CFAP299: variants seen among roughly 807,000 people sequenced by gnomAD.
CFAP299 encodes the protein cilia and flagella associated protein 299.
CFAP299 carries 21 observed loss-of-function variants against 27.0 expected under a neutral mutation model. The observed-to-expected ratio is 0.78, with a 90% confidence interval of 0.55 to 1.12. CFAP299 has a LOEUF of 1.12. CFAP299 is among the 50% of genes most tolerant of loss of function. The pLI, the probability that CFAP299 is intolerant of heterozygous loss-of-function variation, is 0.00. For synonymous variants in CFAP299, 104 were observed against 98.1 expected (o/e 1.06, Z -0.36); for missense variants, 310 against 276.6 (o/e 1.12, Z -0.86).
At chr4:80,371,598 A>C (rs1724155555) in intron 2 of CFAP299, among the ~76,000 whole-genome samples, 1 of 152,184 alleles carries the variant, frequency 6.6e-6, no homozygotes, top group South Asian at 2.1e-4. Context: ...GTGCTTAGAA[A>C]TTTCTTCTGC....
intron 4 of CFAP299, among the ~76,000 whole-genome samples, chr4:80,875,433 G>A (rs537245142): frequency 1.3e-5 from 2 of 152,094 alleles, no homozygotes; most frequent in East Asian, 1.9e-4. Context: ...AGGCCGAGGC[G>A]GGTGGATCAC....
intron 3 of CFAP299, among the ~76,000 whole-genome samples, chr4:80,666,123 T>A (rs1577992986): frequency 6.6e-6 from 1 of 152,346 alleles, no homozygotes; most frequent in East Asian, 1.9e-4. Context: ...AAAATTTACC[T>A]TAATAGGATT....
intron 3 of CFAP299, among the ~76,000 whole-genome samples, chr4:80,817,825 T>TC (rs1729499534): frequency 6.6e-6 from 1 of 152,016 alleles, no homozygotes; most frequent in Non-Finnish European, 1.5e-5. Context: ...CTTATAGTTT[T>TC]CTTTTTTTTT....
chr4:80,330,751 G>C (rs948014512), upstream of CFAP299, among the ~76,000 whole-genome samples: 1 of 152,148 alleles, frequency 6.6e-6, no homozygotes, highest in African/African-American at 2.4e-5. Context: ...TAAAATGTAG[G>C]TGCTAAAATT....
chr4:80,886,066 C>A (rs1309109201), intron 4 of CFAP299, among the ~76,000 whole-genome samples: 1 of 152,132 alleles, frequency 6.6e-6, no homozygotes, highest in African/African-American at 2.4e-5. Flanking sequence ...GGTGGCCTGG[C>A]AGAACACCCC....
At chr4:80,903,398 A>C (rs1037029233) in intron 4 of CFAP299, among the ~76,000 whole-genome samples, 3 of 152,122 alleles carry the variant, frequency 2.0e-5, no homozygotes, top group African/African-American at 7.2e-5. Context: ...GTTACATAAA[A>C]GAAAATTGAA....
At chr4:80,397,228 C>T (rs1441831088) in intron 2 of CFAP299, among the ~76,000 whole-genome samples, 4 of 151,954 alleles carry the variant, frequency 2.6e-5, no homozygotes, top group Non-Finnish European at 5.9e-5. Context: ...GTGGTAATAT[C>T]CCCTTTATCA....
chr4:80,618,861 G>A (rs551758840), intron 3 of CFAP299, among the ~76,000 whole-genome samples: 6 of 152,030 alleles, frequency 3.9e-5, no homozygotes, highest in South Asian at 4.2e-4. Flanking sequence ...ACTACTAATC[G>A]TGGGAGCTGA....
At chr4:80,767,534 A>G (rs1380697221) in intron 3 of CFAP299, among the ~76,000 whole-genome samples, 3 of 152,166 alleles carry the variant, frequency 2.0e-5, no homozygotes, top group Non-Finnish European at 2.9e-5. Context: ...GCGTGAACCC[A>G]GGAGGCGGAG....
intron 3 of CFAP299, among the ~76,000 whole-genome samples, chr4:80,750,451 A>T (rs937330907): frequency 6.6e-6 from 1 of 152,176 alleles, no homozygotes; most frequent in Admixed American, 6.5e-5. Flanking sequence ...TATGAACAAG[A>T]ATCTTATATA....
At chr4:80,340,895 C>A (rs1722415824) in intron 1 of CFAP299, among the ~76,000 whole-genome samples, 1 of 152,116 alleles carries the variant, frequency 6.6e-6, no homozygotes, top group Non-Finnish European at 1.5e-5. Flanking sequence ...ACTGCCCCAG[C>A]CTCCCAAGTA....
chr4:80,767,337 C>T (rs1011865730), intron 3 of CFAP299, among the ~76,000 whole-genome samples: 3 of 152,102 alleles, frequency 2.0e-5, no homozygotes, highest in South Asian at 2.1e-4. Flanking sequence ...AGGTGGGGCA[C>T]GGTGGCTCAC....
intron 3 of CFAP299, among the ~76,000 whole-genome samples, chr4:80,597,842 A>G (rs1737138015): frequency 1.3e-5 from 2 of 151,222 alleles, no homozygotes; most frequent in South Asian, 4.2e-4. Context: ...ATGTGCCACC[A>G]CTCCTGGCTA....
At chr4:80,941,225 C>T (rs1479157818) in intron 4 of CFAP299, among the ~76,000 whole-genome samples, 6 of 152,010 alleles carry the variant, frequency 3.9e-5, no homozygotes, top group Non-Finnish European at 4.4e-5. Context: ...ACATTTTTTC[C>T]CAAATATTTT....
At chr4:80,797,932 A>G (rs963364529) in intron 3 of CFAP299, among the ~76,000 whole-genome samples, 2 of 152,094 alleles carry the variant, frequency 1.3e-5, no homozygotes, top group African/African-American at 4.8e-5. Context: ...CAAGTAAACT[A>G]TTAGAACCTT....
At chr4:80,736,912 C>T (rs1163680850) in intron 3 of CFAP299, among the ~76,000 whole-genome samples, 2 of 151,992 alleles carry the variant, frequency 1.3e-5, no homozygotes, top group Non-Finnish European at 2.9e-5. Context: ...TGGAACCAAC[C>T]CAAATGTCCA....
intron 3 of CFAP299, among the ~76,000 whole-genome samples, chr4:80,666,656 A>G (rs573715531): frequency 6.6e-6 from 1 of 152,080 alleles, no homozygotes; most frequent in African/African-American, 2.4e-5. Context: ...ATCATTTCCA[A>G]CCCCCTTTGA....
intron 1 of CFAP299, among the ~76,000 whole-genome samples, chr4:80,338,769 C>T (rs1266009292): frequency 1.3e-5 from 2 of 152,268 alleles, no homozygotes; most frequent in Non-Finnish European, 2.9e-5. Flanking sequence ...TGCTTACAGT[C>T]CGGTCTAAGT....
At chr4:80,321,703 C>T in the CFAP299 span, among the ~76,000 whole-genome samples, 1 of 152,108 alleles carries the variant, frequency 6.6e-6, no homozygotes, top group Non-Finnish European at 1.5e-5. Context: ...ATCTTAGATC[C>T]AATACAAAAT....
Sources: allele counts gnomAD v4.1 joint callset (sites outside exome capture counted in the v4.1 genomes callset), GRCh38; gene constraint gnomAD v4.1.1; transcripts MANE v1.5; gene names NCBI Gene and HGNC (gene_info 2026-07-23, HGNC 2026-07-21).